The following TGFB2 variants were observed in gnomAD, a reference collection of about 807,000 sequenced individuals.
TGFB2 encodes transforming growth factor beta-2 proprotein.
A neutral mutation model predicts 42.7 loss-of-function variants in TGFB2; 13 were observed. The observed-to-expected ratio is 0.30, with a 90% confidence interval of 0.20 to 0.48. The LOEUF (loss-of-function observed/expected upper bound fraction) is 0.48, where lower values mean the gene tolerates loss of function less well. Among genes scored for constraint, TGFB2 ranks in the 20% least tolerant of loss-of-function variants. TGFB2 has a pLI of 0.99. For synonymous variants in TGFB2, 193 were observed against 193.6 expected, an observed-to-expected ratio of 1.00 and a Z score of 0.03; for missense variants, 390 against 517.5, an observed-to-expected ratio of 0.75 and a Z score of 2.39.
At chr1:218,394,570 G>A (rs1314868025) in intron 1 of TGFB2, among the ~76,000 whole-genome samples, 1 of 152,084 alleles carries the variant, frequency 6.6e-6, no homozygotes, top group Non-Finnish European at 1.5e-5. Flanking sequence ...CACGTAAGCT[G>A]ATGCCGACAC....
At position 218,436,023 on chromosome 1, in the gene TGFB2, A is replaced by G. The variant is rs749266746; in HGVS notation, c.808A>G (p.Thr270Ala). The stretch of plus-strand genomic sequence containing the variant: ...TGGTGATCAGAAAACTATAAAGTCC[A>G]CTAGGAAAAAAAACAGTGGGAAGAC... ...TSGDQKTIKS[T>A]RKKNSGKTPH... Residue 270 changes from threonine (T) to alanine (A), a missense_variant, in exon 5 of 7, where the codon ACT becomes GCT. By Grantham distance (58) the Thr-to-Ala change is moderately conservative (BLOSUM62 0). Coordinates refer to ENST00000366930, the MANE Select transcript of TGFB2 (RefSeq NM_003238.6). The G allele has an allele frequency of 6.2e-7, 1 of 1,613,980 alleles. No individual in the cohort carries two copies. Among genetic ancestry groups the G allele is most frequent in the Admixed American group, 1.7e-5 (1 of 60,010 alleles).
At chr1:218,354,249 A>G (rs1024224582) in intron 1 of TGFB2, among the ~76,000 whole-genome samples, 1 of 152,230 alleles carries the variant, frequency 6.6e-6, no homozygotes. Flanking sequence ...TGTGAGTTCA[A>G]AGAGGTGTCA....
chr1:218,389,199 C>G (rs6680004), intron 1 of TGFB2, among the ~76,000 whole-genome samples: 1 of 152,078 alleles, frequency 6.6e-6, no homozygotes, highest in South Asian at 2.1e-4. Context: ...CTATGAAGAC[C>G]TAAAGGATTG....
rs1461360716 is a variant in TGFB2, at chr1:218,365,855, G to A, written c.346+18808G>A. ...CCATCCCTGTCACCTTGCGTGAACC[G>A]CCTCTCCATTCCAAGGAGATGTTGG... is the stretch of plus-strand genomic sequence containing the variant. On this transcript the variant is annotated intron_variant, in intron 1 of 6. Coordinates refer to ENST00000366930, the MANE Select transcript of TGFB2 (RefSeq NM_003238.6). 3.3e-5 allele frequency among the ~76,000 whole-genome samples: 5 copies of A among 152,276 alleles called. No homozygotes were observed. In the Middle Eastern group the frequency reaches 0.017, roughly 518 times the overall value.
intron 2 of TGFB2, among the ~76,000 whole-genome samples, chr1:218,414,962 T>C (rs1004885998): frequency 5.9e-5 from 9 of 152,166 alleles, no homozygotes; most frequent in African/African-American, 2.2e-4. Flanking sequence ...ATCATGCTCT[T>C]GACCATGATT....
chr1:218,400,709 T>G (rs1351395138), intron 1 of TGFB2, among the ~76,000 whole-genome samples: 1 of 152,204 alleles, frequency 6.6e-6, no homozygotes, highest in Non-Finnish European at 1.5e-5. Flanking sequence ...GTGCTTCTAC[T>G]GGGTTGCTCC....
At chr1:218,410,357 T>C (rs1659055110) in intron 2 of TGFB2, among the ~76,000 whole-genome samples, 1 of 152,248 alleles carries the variant, frequency 6.6e-6, no homozygotes, top group African/African-American at 2.4e-5. Context: ...CCCATGCTTC[T>C]GTTGAAGTCA....
At chr1:218,425,669 T>A (rs1659599212) in intron 2 of TGFB2, among the ~76,000 whole-genome samples, 1 of 152,202 alleles carries the variant, frequency 6.6e-6, no homozygotes, top group Admixed American at 6.5e-5. Context: ...GAAGACTAGT[T>A]GATGGAAATT....
intron 2 of TGFB2, among the ~76,000 whole-genome samples, chr1:218,408,653 G>T (rs1658994430): frequency 6.6e-6 from 1 of 152,088 alleles, no homozygotes; most frequent in South Asian, 2.1e-4. Flanking sequence ...GATCAGAAAG[G>T]CAGCCTCTTG....
chr1:218,425,080 G>A (rs1003846396), intron 2 of TGFB2, among the ~76,000 whole-genome samples: 1 of 152,176 alleles, frequency 6.6e-6, no homozygotes, highest in Non-Finnish European at 1.5e-5. Flanking sequence ...TCCAGAGGGC[G>A]AAAAACAATA....
chr1:218,353,986 T>C (rs1277533021), intron 1 of TGFB2, among the ~76,000 whole-genome samples: 1 of 152,200 alleles, frequency 6.6e-6, no homozygotes, highest in Non-Finnish European at 1.5e-5. Context: ...TTTAATTAGC[T>C]CTTCCTTTGC....
intron 1 of TGFB2, among the ~76,000 whole-genome samples, chr1:218,404,738 T>C (rs891899577): frequency 2.0e-5 from 3 of 152,308 alleles, no homozygotes; most frequent in Middle Eastern, 3.4e-3. Flanking sequence ...GATGACAAAC[T>C]TTCAAGGAAA....
In TGFB2 at chr1:218,432,692, A is replaced by G. The variant is rs1194803952; in HGVS notation, c.511-1390A>G. Among the ~76,000 whole-genome samples the G allele has an allele frequency of 2.0e-5, 3 of 152,226 alleles. No individual in the cohort carries two copies. In the East Asian group the frequency reaches 5.8e-4, roughly 29 times the overall value. On this transcript the variant is annotated intron_variant, in intron 2 of 6. Coordinates refer to ENST00000366930, the MANE Select transcript of TGFB2 (RefSeq NM_003238.6). ...CATTTAATAGATATTGATTCAATTG[A>G]GTGCTATGGTTTGAAACGATATCAA...
intron 1 of TGFB2, among the ~76,000 whole-genome samples, chr1:218,388,776 A>G (rs957276139): frequency 6.6e-6 from 1 of 152,222 alleles, no homozygotes; most frequent in African/African-American, 2.4e-5. Context: ...AGCACTAGTA[A>G]TAACTATTCA....
At chr1:218,383,908 C>T (rs923667160) in intron 1 of TGFB2, among the ~76,000 whole-genome samples, 3 of 152,272 alleles carry the variant, frequency 2.0e-5, no homozygotes, top group Middle Eastern at 3.4e-3. Flanking sequence ...TTCGGGATCC[C>T]GAAAATAATT....
chr1:218,373,799 G>A (rs1414023507), intron 1 of TGFB2, among the ~76,000 whole-genome samples: 2 of 152,060 alleles, frequency 1.3e-5, no homozygotes, highest in Non-Finnish European at 2.9e-5. Flanking sequence ...ATGTGTCAGG[G>A]CATCATTCTC....
intron 1 of TGFB2, among the ~76,000 whole-genome samples, chr1:218,396,553 T>C (rs534993738): frequency 2.0e-5 from 3 of 151,316 alleles, no homozygotes; most frequent in Non-Finnish European, 4.4e-5. Flanking sequence ...TTTTTTTTTT[T>C]AATCTTCTAA....
intron 1 of TGFB2, among the ~76,000 whole-genome samples, chr1:218,357,884 A>G (rs779539578): frequency 2.8e-4 from 43 of 152,170 alleles, no homozygotes; most frequent in Admixed American, 9.2e-4. Flanking sequence ...CTATTTAAGA[A>G]TAACACTGGT....
rs531648329 is a variant in TGFB2, at chr1:218,385,143, C to T, written c.347-20026C>T. ...CTTACTGGTACTTTCTGGTTGGTAG[C>T]TCTGAGCCTCAGTTTCCTTATCTGC... On this transcript the variant is annotated intron_variant, in intron 1 of 6. Transcript: ENST00000366930. 7.2e-5 allele frequency among the ~76,000 whole-genome samples: 11 copies of T among 152,220 alleles called. No individual in the cohort carries two copies. In the South Asian group the frequency reaches 2.3e-3, roughly 32 times the overall value.
Sources: gnomAD v4.1 joint callset for allele counts (sites outside exome capture counted in the v4.1 genomes callset) on GRCh38, gnomAD v4.1.1 for gene constraint, MANE v1.5 for transcripts, NCBI Gene and HGNC (gene_info 2026-07-23, HGNC 2026-07-21) for gene names.